CALN1: variants seen among roughly 807,000 people sequenced by gnomAD.
CALN1 encodes the protein calcium-binding protein 8.
A neutral mutation model predicts 30.6 loss-of-function variants in CALN1; 17 were observed. That is an observed-to-expected ratio of 0.56 (90% CI 0.38 to 0.83). The LOEUF is 0.83. CALN1 is among the 40% of genes least tolerant of loss of function. CALN1 has a pLI of 0.00. For missense variants in CALN1, 291 were observed against 354.9 expected (o/e 0.82, Z 1.45); for synonymous variants, 156 against 131.4 (o/e 1.19, Z -1.28).
intron 2 of CALN1, chr7:72,337,478 G>C (rs1179616405): frequency 5.7e-6 from 1 of 174,112 alleles, no homozygotes; most frequent in Non-Finnish European, 1.1e-5. Context: ...CAGACACGCG[G>C]GGGGCGAGCA....
In CALN1 at chr7:72,057,383, CTTTTT is replaced by C. The variant is rs60838093; in HGVS notation, c.389-33619_389-33615del. 1.1e-3 allele frequency among the ~76,000 whole-genome samples: 113 copies of C among 101,890 alleles called. No individual in the cohort carries two copies. In the East Asian group the frequency reaches 0.017, roughly 15 times the overall value. 66.8% of individuals were successfully genotyped at this position (101,890 alleles called of 152,430 possible). A position where few individuals can be genotyped will look rare whatever the true frequency, so the allele number is the denominator to read the frequency against. On this transcript the variant is annotated intron_variant, in intron 4 of 6. Coordinates refer to ENST00000395275, the MANE Select transcript of CALN1 (RefSeq NM_031468.4). Reference sequence around the variant, plus strand: ...GATAAAAAGTTCCTTTTTAAATGTTCTTTTTTTTTTTTTTTTTTTTTGATTCAGTA... The same window carrying C: ...GATAAAAAGTTCCTTTTTAAATGTTCTTTTTTTTTTTTTTTTGATTCAGTA...
chr7:72,135,217 G>A (rs1424873477), intron 3 of CALN1, among the ~76,000 whole-genome samples: 1 of 152,156 alleles, frequency 6.6e-6, no homozygotes, highest in African/African-American at 2.4e-5. Flanking sequence ...CCTGTTAAAT[G>A]TTGATATTTT....
chr7:71,981,644 G>A (rs111567333), intron 5 of CALN1, among the ~76,000 whole-genome samples: 1 of 151,314 alleles, frequency 6.6e-6, no homozygotes, highest in Non-Finnish European at 1.5e-5. Context: ...GCGACAGAGC[G>A]AGACCCTGTC....
intron 6 of CALN1, among the ~76,000 whole-genome samples, chr7:71,796,060 C>T (rs983423960): frequency 2.6e-5 from 4 of 151,576 alleles, no homozygotes; most frequent in African/African-American, 9.7e-5. Context: ...CTCCTGACCT[C>T]GTGATCCACC....
At chr7:71,972,726 C>T (rs537141145) in intron 5 of CALN1, among the ~76,000 whole-genome samples, 2 of 152,298 alleles carry the variant, frequency 1.3e-5, no homozygotes, top group African/African-American at 4.8e-5. Context: ...GTGCGTGCTT[C>T]ATTCACACGT....
chr7:72,187,543 G>A (rs1027580603), intron 3 of CALN1, among the ~76,000 whole-genome samples: 16 of 152,104 alleles, frequency 1.1e-4, no homozygotes, highest in South Asian at 6.2e-4. Flanking sequence ...TCTAGGTTGC[G>A]TGTTCCTTAT....
chr7:71,996,474 CAT>C (rs1418853268), intron 5 of CALN1, among the ~76,000 whole-genome samples: 2 of 152,200 alleles, frequency 1.3e-5, no homozygotes, highest in African/African-American at 2.4e-5. Flanking sequence ...TAAGTGAGAA[CAT>C]GTGGTGTTTG....
At chr7:71,984,691 T>A (rs980553841) in intron 5 of CALN1, among the ~76,000 whole-genome samples, 1 of 152,194 alleles carries the variant, frequency 6.6e-6, no homozygotes, top group African/African-American at 2.4e-5. Context: ...GGGAGACCCA[T>A]GGCAGGAGTT....
intron 3 of CALN1, among the ~76,000 whole-genome samples, chr7:72,267,001 CCT>C (rs1319109684): frequency 1.3e-5 from 2 of 152,190 alleles, no homozygotes; most frequent in Non-Finnish European, 1.5e-5. Context: ...TGACACTCCC[CCT>C]CTTATTGGGA....
chr7:72,130,093 C>G, intron 3 of CALN1, among the ~76,000 whole-genome samples: 1 of 152,152 alleles, frequency 6.6e-6, no homozygotes, highest in East Asian at 1.9e-4. Context: ...CCTCTCTCAC[C>G]ATGTGATCTC....
chr7:72,213,242 G>A lies in CALN1; in HGVS notation c.244+65444C>T, dbSNP rs146441414. ...TCTTTGTTCTCCGCTCTAGCAAGTT[G>A]TCCGGGACAGTCCACTCTGGCCTCA... On this transcript the variant is annotated intron_variant, in intron 3 of 6. Transcript: ENST00000395275. 9.2e-5 allele frequency among the ~76,000 whole-genome samples: 14 copies of A among 152,348 alleles called. No homozygotes were observed. The East Asian group carries it at 2.3e-3, about 25-fold the overall frequency.
chr7:72,252,110 A>G (rs1458639757), intron 3 of CALN1, among the ~76,000 whole-genome samples: 5 of 152,264 alleles, frequency 3.3e-5, no homozygotes, highest in South Asian at 2.1e-4. Context: ...TGGACAGCTA[A>G]TAAGTATTGG....
chr7:71,957,654 G>A (rs952101414), intron 5 of CALN1, among the ~76,000 whole-genome samples: 5 of 152,154 alleles, frequency 3.3e-5, no homozygotes, highest in African/African-American at 9.7e-5. Context: ...CATGAAGTGA[G>A]GTGATTCTCC....
intron 2 of CALN1, among the ~76,000 whole-genome samples, chr7:72,352,167 A>AAAAC (rs72441588): frequency 0.2 from 30,240 of 151,084 alleles, 3,815 homozygotes; most frequent in East Asian, 0.39. Context: ...ACTCCGTCTC[A>AAAAC]AAACAAACAA....
At chr7:71,790,380 GAAAGAAAGAAA>G (rs1562780117) in intron 6 of CALN1, among the ~76,000 whole-genome samples, 6 of 71,986 alleles carry the variant, frequency 8.3e-5, no homozygotes, top group Admixed American at 1.7e-4. Context: ...AAGAAAGAAA[GAAAGAAAGAAA>G]GAAAGAAAGA....
At chr7:72,480,125 T>G in the CALN1 span, among the ~76,000 whole-genome samples, 3 of 152,252 alleles carry the variant, frequency 2.0e-5, no homozygotes, top group Non-Finnish European at 2.9e-5. Flanking sequence ...TTTCTGGCAC[T>G]GGCCGAGAAT....
intron 5 of CALN1, among the ~76,000 whole-genome samples, chr7:71,948,868 CCT>C (rs1299644337): frequency 6.6e-6 from 1 of 151,010 alleles, no homozygotes; most frequent in South Asian, 2.1e-4. Flanking sequence ...ATAGTGAGAC[CCT>C]GTCTTTACAA....
intron 5 of CALN1, among the ~76,000 whole-genome samples, chr7:71,825,841 T>A (rs1181620728): frequency 6.6e-6 from 1 of 151,842 alleles, no homozygotes; most frequent in South Asian, 2.1e-4. Context: ...AAGACCAGCC[T>A]GACCAACACG....
At chr7:72,038,872 G>T (rs1170400327) in intron 4 of CALN1, among the ~76,000 whole-genome samples, 1 of 152,190 alleles carries the variant, frequency 6.6e-6, no homozygotes, top group South Asian at 2.1e-4. Context: ...GTATCATCAA[G>T]AAATAACCAT....
Sources: allele counts gnomAD v4.1 joint callset (sites outside exome capture counted in the v4.1 genomes callset), GRCh38; gene constraint gnomAD v4.1.1; transcripts MANE v1.5; gene names NCBI Gene and HGNC (gene_info 2026-07-23, HGNC 2026-07-21).